ERBB4: variants seen among roughly 807,000 people sequenced by gnomAD.
ERBB4 encodes the protein receptor tyrosine-protein kinase erbB-4.
Under a neutral mutation model 158.0 loss-of-function variants are expected in ERBB4, and 42 were observed. That is an observed-to-expected ratio of 0.27 (90% CI 0.21 to 0.34). The LOEUF (loss-of-function observed/expected upper bound fraction) is 0.34. Among genes scored for constraint, ERBB4 ranks in the 10% least tolerant of loss-of-function variants. The pLI is 1.00. For synonymous variants in ERBB4, 583 were observed against 558.7 expected (o/e 1.04, Z -0.61); for missense variants, 1,333 against 1,624.1 (o/e 0.82, Z 3.08).
At position 211,562,164 on chromosome 2, in the gene ERBB4, G is replaced by A; in HGVS notation, c.2302-76C>T. 2.4e-6 allele frequency: 3 copies of A among 1,252,042 alleles called. No homozygotes were observed. In the South Asian group the frequency reaches 3.6e-5, roughly 15 times the overall value. The allele number at this position is 1,252,042 out of a possible 1,614,324, so 77.6% of individuals were successfully genotyped here. A position where few individuals can be genotyped will look rare whatever the true frequency, so the allele number is the denominator to read the frequency against. ...TTAGAGTTACTTGGATTGTACTAAT[G>A]GTGCTGATGATTTTTAAAAATGTAC... On this transcript the variant is annotated intron_variant, in intron 19 of 27. Transcript: ENST00000342788.
intron 20 of ERBB4, among the ~76,000 whole-genome samples, chr2:211,460,627 T>C (rs907341136): frequency 6.6e-6 from 1 of 152,208 alleles, no homozygotes; most frequent in Non-Finnish European, 1.5e-5. Flanking sequence ...CACGAGCTTG[T>C]GTTTTGTATT....
intron 1 of ERBB4, among the ~76,000 whole-genome samples, chr2:212,173,581 C>G (rs140186178): frequency 6.6e-6 from 1 of 152,192 alleles, no homozygotes; most frequent in East Asian, 1.9e-4. Context: ...CTACTGTGTA[C>G]CAGGAGATTT....
chr2:211,517,052 G>A (rs1166481171), intron 20 of ERBB4, among the ~76,000 whole-genome samples: 6 of 152,086 alleles, frequency 3.9e-5, no homozygotes, highest in Non-Finnish European at 5.9e-5. Context: ...TTAGGAGTAG[G>A]TAAACAGCAA....
Position 212,538,471 on chromosome 2 carries a change from G to A in ERBB4, c.60C>T (p.Val20=). The change falls in exon 1 of 28, where the codon GTC becomes GTT. Residue 20 remains valine, a synonymous_variant. Transcript: ENST00000342788. The stretch of plus-strand genomic sequence containing the variant: ...CACCTGACTGAGAATCGCTGGGCTG[G>A]ACGGTCCCCGCCGCCACGAGAAGGC... ...WVSLLVAAGT[V]QPSDSQSVCA... 4 of 1,613,978 alleles carry A rather than the reference G, an allele frequency of 2.5e-6. No homozygotes were observed. The highest frequency in any genetic ancestry group is 3.4e-6 in the Non-Finnish European group (4 of 1,179,876).
chr2:212,208,064 A>C (rs961918280), intron 1 of ERBB4, among the ~76,000 whole-genome samples: 2 of 152,190 alleles, frequency 1.3e-5, no homozygotes, highest in African/African-American at 4.8e-5. Flanking sequence ...CAAAGACTTT[A>C]AATATCTGCT....
chr2:212,162,066 T>C (rs1454778193), intron 1 of ERBB4, among the ~76,000 whole-genome samples: 4 of 151,960 alleles, frequency 2.6e-5, no homozygotes, highest in East Asian at 1.9e-4. Context: ...ATCTCTTCTA[T>C]AACCCAGCAA....
chr2:211,653,926 G>A (rs953833363), intron 16 of ERBB4, among the ~76,000 whole-genome samples: 11 of 151,910 alleles, frequency 7.2e-5, no homozygotes, highest in Non-Finnish European at 1.3e-4. Flanking sequence ...TGCCCGCCTC[G>A]GCCTCCCAAA....
chr2:211,905,744 GTATA>G (rs66837219), intron 3 of ERBB4, among the ~76,000 whole-genome samples: 16,845 of 119,166 alleles, frequency 0.14, 1,472 homozygotes, highest in Non-Finnish European at 0.2. Flanking sequence ...GCATGTGTGT[GTATA>G]TATATATATA....
intron 20 of ERBB4, among the ~76,000 whole-genome samples, chr2:211,524,717 G>C (rs13425616): frequency 0.032 from 4,817 of 150,008 alleles, 304 homozygotes; most frequent in African/African-American, 0.11. Context: ...CAGCTGGCCC[G>C]CAAGCGCCAG....
intron 20 of ERBB4, among the ~76,000 whole-genome samples, chr2:211,488,007 G>A (rs1048493314): frequency 6.6e-6 from 1 of 151,908 alleles, no homozygotes; most frequent in Admixed American, 6.6e-5. Context: ...AAATGTCAGT[G>A]CTTCTCTGGA....
intron 1 of ERBB4, among the ~76,000 whole-genome samples, chr2:212,178,431 T>A (rs1016897989): frequency 3.3e-5 from 5 of 151,646 alleles, no homozygotes; most frequent in African/African-American, 9.7e-5. Flanking sequence ...ATACTGAAAA[T>A]GTAAAATGGA....
intron 1 of ERBB4, among the ~76,000 whole-genome samples, chr2:212,468,306 G>A (rs975631751): frequency 1.3e-5 from 2 of 152,132 alleles, no homozygotes; most frequent in African/African-American, 4.8e-5. Flanking sequence ...GAATGATATG[G>A]TTTGGCTCTG....
chr2:211,787,221 A>G (rs1434527871), intron 4 of ERBB4, among the ~76,000 whole-genome samples: 3 of 152,204 alleles, frequency 2.0e-5, no homozygotes, highest in Non-Finnish European at 4.4e-5. Flanking sequence ...TATAAAACCC[A>G]GGTTAACACT....
At chr2:212,232,076 T>C (rs1453468383) in intron 1 of ERBB4, among the ~76,000 whole-genome samples, 2 of 152,174 alleles carry the variant, frequency 1.3e-5, no homozygotes, top group South Asian at 4.1e-4. Context: ...TTAATTAAAC[T>C]CTTTATGCAT....
chr2:211,530,565 A>T (rs2066468094), intron 20 of ERBB4, among the ~76,000 whole-genome samples: 1 of 152,110 alleles, frequency 6.6e-6, no homozygotes, highest in Non-Finnish European at 1.5e-5. Context: ...AAAACAACAA[A>T]ACTGAAGGAA....
At chr2:211,652,778 G>A (rs1324006909) in intron 16 of ERBB4, among the ~76,000 whole-genome samples, 1 of 152,134 alleles carries the variant, frequency 6.6e-6, no homozygotes, top group African/African-American at 2.4e-5. Context: ...ATTGGAGCAA[G>A]TAACTAGATA....
At chr2:212,123,272 A>C (rs1443110329) in intron 2 of ERBB4, among the ~76,000 whole-genome samples, 1 of 152,102 alleles carries the variant, frequency 6.6e-6, no homozygotes, top group East Asian at 1.9e-4. Flanking sequence ...GCGTGGCGGC[A>C]TGCGCCTGTA....
intron 3 of ERBB4, among the ~76,000 whole-genome samples, chr2:211,819,339 A>T (rs2076943358): frequency 6.6e-6 from 1 of 152,070 alleles, no homozygotes; most frequent in Admixed American, 6.6e-5. Flanking sequence ...ATATAAAAAT[A>T]AATTATCACA....
chr2:211,644,529 T>C (rs2070716554), intron 16 of ERBB4, among the ~76,000 whole-genome samples: 1 of 152,000 alleles, frequency 6.6e-6, no homozygotes, highest in South Asian at 2.1e-4. Flanking sequence ...ATACTTTGCC[T>C]GAAACCATTT....
Sources: gnomAD v4.1 joint callset for allele counts (sites outside exome capture counted in the v4.1 genomes callset) on GRCh38, gnomAD v4.1.1 for gene constraint, MANE v1.5 for transcripts, NCBI Gene and HGNC (gene_info 2026-07-23, HGNC 2026-07-21) for gene names.